Variants in GATM observed in about 807,000 individuals in gnomAD.
The protein encoded by GATM is glycine amidinotransferase.
Under a neutral mutation model 54.2 loss-of-function variants are expected in GATM, and 23 were observed. The ratio of observed to expected loss-of-function variants is 0.42; its 90% CI spans 0.31 to 0.60. The LOEUF (loss-of-function observed/expected upper bound fraction) is 0.60. GATM is among the 20% of genes least tolerant of loss of function. GATM has a pLI of 0.14. For synonymous variants in GATM, 168 were observed against 183.1 expected, an observed-to-expected ratio of 0.92 and a Z score of 0.67; for missense variants, 401 against 544.9, an observed-to-expected ratio of 0.74 and a Z score of 2.63.
chr15:45,379,889 AG>A (rs1203108689), upstream of GATM: 1 of 152,074 alleles, frequency 6.6e-6, no homozygotes, highest in Non-Finnish European at 1.5e-5. Flanking sequence ...TGGGAGGCCG[AG>A]GCGGGCGGAT....
At chr15:45,391,742 G>GGCAAAAGTGTTAGGCAAAA (rs1889875815) in intron 3 of GATM, among the ~76,000 whole-genome samples, 1 of 152,142 alleles carries the variant, frequency 6.6e-6, no homozygotes, top group Non-Finnish European at 1.5e-5. Flanking sequence ...TATTAGAGTT[G>GGCAAAAGTGTTAGGCAAAA]GTGTTAGGCA....
At chr15:45,376,460 A>G (rs1004074904) in intron 2 of GATM, 141 bp downstream of exon 2, 1 of 768,802 alleles carries the variant, frequency 1.3e-6, no homozygotes, top group Admixed American at 1.8e-5. Context: ...ATAGTGTCAA[A>G]TACCACAGAG....
At chr15:45,390,539 T>C (rs1889860719) in intron 3 of GATM, among the ~76,000 whole-genome samples, 1 of 152,194 alleles carries the variant, frequency 6.6e-6, no homozygotes, top group Non-Finnish European at 1.5e-5. Context: ...TCATCAGTTG[T>C]GTGGAGAGAA....
At chr15:45,372,578 G>C (rs566485377) in intron 2 of GATM, among the ~76,000 whole-genome samples, 101 of 152,286 alleles carry the variant, frequency 6.6e-4, no homozygotes, top group Non-Finnish European at 1.2e-3. Context: ...CTCATGCCAG[G>C]CACATCTCCT....
intron 3 of GATM, among the ~76,000 whole-genome samples, chr15:45,389,427 T>C (rs1443755510): frequency 6.6e-6 from 1 of 152,180 alleles, no homozygotes; most frequent in African/African-American, 2.4e-5. Context: ...AAAGACTTCT[T>C]GTTTTTGCAG....
At chr15:45,376,148 G>A (rs1373741492) in intron 2 of GATM, among the ~76,000 whole-genome samples, 2 of 152,196 alleles carry the variant, frequency 1.3e-5, no homozygotes, top group East Asian at 3.8e-4. Context: ...GCTGGCAACT[G>A]AACTCCAGAT....
chr15:45,377,559 G>C (rs1889660271), intron 1 of GATM: 1 of 307,972 alleles, frequency 3.2e-6, no homozygotes, highest in Non-Finnish European at 6.3e-6. Context: ...ATCTAGAGCA[G>C]GGAGGGTCCC....
At chr15:45,400,278 T>C (rs1889984417) in intron 1 of GATM, among the ~76,000 whole-genome samples, 1 of 152,178 alleles carries the variant, frequency 6.6e-6, no homozygotes, top group Non-Finnish European at 1.5e-5. Context: ...GATTATGTCA[T>C]TGAATGGCAT....
intron 2 of GATM, chr15:45,369,740 C>G (rs954686507): frequency 5.5e-6 from 3 of 547,488 alleles, no homozygotes; most frequent in African/African-American, 1.9e-5. Flanking sequence ...TATTTTGAGG[C>G]CTTTTGCTCC....
upstream of GATM, among the ~76,000 whole-genome samples, chr15:45,382,229 C>A (rs1197540273): frequency 6.6e-6 from 1 of 152,144 alleles, no homozygotes; most frequent in African/African-American, 2.4e-5. Flanking sequence ...TATGAAATAT[C>A]CCTCAAAACT....
At chr15:45,389,324 G>A (rs1889841626) in intron 3 of GATM, among the ~76,000 whole-genome samples, 2 of 152,236 alleles carry the variant, frequency 1.3e-5, no homozygotes, top group African/African-American at 4.8e-5. Context: ...GATGACGGTT[G>A]AACTTGATGA....
chr15:45,399,583 C>T (rs1889974006), exon 2 of GATM: 1 of 157,302 alleles, frequency 6.4e-6, no homozygotes, highest in Non-Finnish European at 1.4e-5. Flanking sequence ...CTTTGACTTC[C>T]CAGCCTCCAG....
chr15:45,372,469 G>A (rs1889559876), intron 2 of GATM, among the ~76,000 whole-genome samples: 2 of 152,120 alleles, frequency 1.3e-5, no homozygotes, highest in Admixed American at 6.5e-5. Flanking sequence ...CTACTCCTAG[G>A]AATTTCTGCA....
At position 45,364,809 on chromosome 15, in the gene GATM, T is replaced by C. The variant is rs747608698; in HGVS notation, c.1030A>G (p.Ile344Val). The C allele has an allele frequency of 3.8e-5, 62 of 1,613,468 alleles. No individual in the cohort carries two copies. In the East Asian group the frequency reaches 1.1e-3, roughly 28 times the overall value. Reference protein sequence around the residue: ...GWTIITPPTPIIPDDHPLWMS... With the variant: ...GWTIITPPTPVIPDDHPLWMS... Reference sequence around the variant, plus strand: ...AAAGTAAACATACCGTCTGGGATGATTGGTGTTGGAGGAGTAATGATAGTC... The same window carrying C: ...AAAGTAAACATACCGTCTGGGATGACTGGTGTTGGAGGAGTAATGATAGTC... Residue 344 changes from isoleucine (I) to valine (V), a missense_variant, in exon 7 of 9, where the codon ATC becomes GTC. By Grantham distance (29) the Ile-to-Val change is conservative (BLOSUM62 3). Transcript: ENST00000396659.
Position 45,366,647 on chromosome 15 carries a change from G to A in GATM, c.676-139C>T, listed in dbSNP as rs1159071729. ...CAGTTCTAGACTAAAACATGCCTGG[G>A]AAAGAAGCGGGTCCATGATAAATAA... On this transcript the variant is annotated intron_variant, in intron 4 of 8. Coordinates refer to ENST00000396659, the MANE Select transcript of GATM (RefSeq NM_001482.3). The A allele has an allele frequency of 4.4e-6, 4 of 914,176 alleles. No homozygotes were observed. In the East Asian group the frequency reaches 1.0e-4, roughly 24 times the overall value. The allele number at this position is 914,176 out of a possible 1,614,324, so 56.6% of individuals were successfully genotyped here.
chr15:45,397,241 C>T (rs995589628), intron 2 of GATM: 5 of 151,956 alleles, frequency 3.3e-5, no homozygotes, highest in Non-Finnish European at 7.4e-5. Flanking sequence ...GCTCTTAAAT[C>T]CCGTGGACTT....
chr15:45,362,896 G>A (rs113658638), intron 8 of GATM, among the ~76,000 whole-genome samples: 2 of 152,314 alleles, frequency 1.3e-5, no homozygotes, highest in Non-Finnish European at 2.9e-5. Flanking sequence ...TCTTCCTCAA[G>A]GAGCTAATTA....
intron 3 of GATM, among the ~76,000 whole-genome samples, chr15:45,396,648 G>T (rs1405322201): frequency 2.0e-5 from 3 of 151,900 alleles, no homozygotes; most frequent in Non-Finnish European, 2.9e-5. Context: ...AGGTGGGCGG[G>T]TCATGAGGTC....
At chr15:45,375,394 G>A (rs1200310385) in intron 2 of GATM, among the ~76,000 whole-genome samples, 1 of 152,136 alleles carries the variant, frequency 6.6e-6, no homozygotes, top group African/African-American at 2.4e-5. Flanking sequence ...TAAAAAGAGA[G>A]ATATTACTTG....
Sources: allele counts gnomAD v4.1 joint callset (sites outside exome capture counted in the v4.1 genomes callset), GRCh38; gene constraint gnomAD v4.1.1; transcripts MANE v1.5; gene names NCBI Gene and HGNC (gene_info 2026-07-23, HGNC 2026-07-21).